BACH2: variants seen among roughly 807,000 people sequenced by gnomAD.
BACH2 encodes BACH transcriptional regulator 2.
In BACH2, 5 loss-of-function variants were observed where a neutral mutation model predicts 61.8. That is an observed-to-expected ratio of 0.08 (90% confidence interval 0.04 to 0.17). BACH2 has a LOEUF of 0.17. BACH2 is among the 10% of genes least tolerant of loss of function. The pLI, the probability that BACH2 is intolerant of heterozygous loss-of-function variation, is 1.00. For missense variants in BACH2, 824 were observed against 1,091.1 expected (o/e 0.76, Z 3.45); for synonymous variants, 446 against 440.1 (o/e 1.01, Z -0.17).
At chr6:90,252,981 A>G (rs1770858961) in intron 2 of BACH2, among the ~76,000 whole-genome samples, 1 of 152,258 alleles carries the variant, frequency 6.6e-6, no homozygotes. Flanking sequence ...GCAGTGGCTC[A>G]CGCCTATAAT....
intron 7 of BACH2, among the ~76,000 whole-genome samples, chr6:89,945,067 C>T (rs185548086): frequency 2.0e-4 from 31 of 152,322 alleles, no homozygotes; most frequent in Admixed American, 1.8e-3. Flanking sequence ...TGATACACTG[C>T]TGGTGGGAAT....
Position 89,928,834 on chromosome 6 carries a change from T to C in BACH2, c.*3574A>G, listed in dbSNP as rs1065272. 2 of 152,070 alleles carry C rather than the reference T, an allele frequency of 1.3e-5. No homozygotes were observed. The highest frequency in any genetic ancestry group is 3.8e-4 in the East Asian group (2 of 5,294). The allele number at this position is 152,070 out of a possible 1,614,324, so 9.4% of individuals were successfully genotyped here. On this transcript the variant is annotated 3_prime_UTR_variant, in exon 9 of 9. Transcript: ENST00000257749. ...GAGTCATTGCTGGGAACTCAGAAGA[T>C]AAATAGCAGGATGGCCTCGTAACTT...
intron 4 of BACH2, among the ~76,000 whole-genome samples, chr6:90,104,623 C>T (rs140230855): frequency 9.8e-5 from 15 of 152,308 alleles, no homozygotes; most frequent in African/African-American, 2.6e-4. Context: ...CCAGAATTTC[C>T]CACCCAAATG....
At chr6:89,987,188 T>C (rs1439284274) in intron 6 of BACH2, among the ~76,000 whole-genome samples, 2 of 152,184 alleles carry the variant, frequency 1.3e-5, no homozygotes, top group African/African-American at 4.8e-5. Context: ...TGTCAAATCC[T>C]GTATCAGGAT....
At chr6:90,236,271 T>C (rs1436128803) in intron 3 of BACH2, among the ~76,000 whole-genome samples, 2 of 152,212 alleles carry the variant, frequency 1.3e-5, no homozygotes, top group Non-Finnish European at 2.9e-5. Context: ...TCAAAATGCT[T>C]TTTAGAGTTT....
chr6:90,156,113 T>C (rs1784988289), intron 4 of BACH2, among the ~76,000 whole-genome samples: 1 of 152,122 alleles, frequency 6.6e-6, no homozygotes, highest in Non-Finnish European at 1.5e-5. Flanking sequence ...CTAATCCCAA[T>C]GTGCATGGGG....
chr6:90,053,645 C>T (rs951082836), intron 5 of BACH2, among the ~76,000 whole-genome samples: 9 of 152,142 alleles, frequency 5.9e-5, no homozygotes, highest in African/African-American at 1.7e-4. Context: ...AGGTTTTGTA[C>T]GTCTGAAGAA....
chr6:90,078,450 T>C (rs1306750240), intron 5 of BACH2, among the ~76,000 whole-genome samples: 1 of 152,156 alleles, frequency 6.6e-6, no homozygotes, highest in African/African-American at 2.4e-5. Context: ...CAGTTGGCAT[T>C]AGTAACCTAA....
chr6:90,149,802 T>G (rs1410240931), intron 4 of BACH2, among the ~76,000 whole-genome samples: 1 of 152,194 alleles, frequency 6.6e-6, no homozygotes, highest in Admixed American at 6.5e-5. Flanking sequence ...GGGTTCCAAT[T>G]AGTCTGTCCT....
chr6:90,117,700 A>G (rs1783461069), intron 4 of BACH2, among the ~76,000 whole-genome samples: 2 of 152,154 alleles, frequency 1.3e-5, no homozygotes, highest in Non-Finnish European at 2.9e-5. Flanking sequence ...CATGAATCCC[A>G]TCAAAGACAA....
chr6:90,264,318 G>C (rs1248806108), intron 2 of BACH2, among the ~76,000 whole-genome samples: 2 of 152,104 alleles, frequency 1.3e-5, no homozygotes, highest in Non-Finnish European at 2.9e-5. Context: ...AAGTAAGTCT[G>C]CAACTTACTT....
At chr6:90,052,257 T>C (rs60124751) in intron 5 of BACH2, among the ~76,000 whole-genome samples, 1 of 152,314 alleles carries the variant, frequency 6.6e-6, no homozygotes, top group East Asian at 1.9e-4. Flanking sequence ...CCAAGCAATA[T>C]CTTGGAGAAA....
intron 5 of BACH2, among the ~76,000 whole-genome samples, chr6:90,029,780 T>C (rs1000440955): frequency 6.6e-6 from 1 of 152,210 alleles, no homozygotes; most frequent in African/African-American, 2.4e-5. Context: ...TCTCCAGAGC[T>C]GCTTGTCTTT....
Position 89,951,149 on chromosome 6 carries a change from G to C in BACH2, c.957C>G (p.Thr319=). The C allele has an allele frequency of 1.2e-6, 2 of 1,612,874 alleles. No homozygotes were observed. Among genetic ancestry groups the C allele is most frequent in the Non-Finnish European group, 1.7e-6 (2 of 1,179,688 alleles). Residue 319 remains threonine (T), a synonymous_variant, in exon 7 of 9, where the codon ACC becomes ACG. Transcript: ENST00000257749. The surrounding 1 kb of genome is among the most constrained non-coding windows in gnomAD (Gnocchi z 6.4). The part of the protein sequence containing the change: ...MDRKQPSPAP[T]PTAPAGAACL... ...AGGCGGCCCCAGCTGGGGCCGTGGG[G>C]GTAGGGGCAGGGCTGGGCTGTTTCC...
chr6:90,150,504 C>G (rs1784778241), intron 4 of BACH2, among the ~76,000 whole-genome samples: 1 of 152,132 alleles, frequency 6.6e-6, no homozygotes, highest in South Asian at 2.1e-4. Context: ...CTTCAAATGT[C>G]CTGAGAAGCA....
intron 3 of BACH2, among the ~76,000 whole-genome samples, chr6:90,228,992 CTG>C (rs1308349445): frequency 6.6e-6 from 1 of 152,182 alleles, no homozygotes; most frequent in Non-Finnish European, 1.5e-5. Context: ...GCAAGAGACA[CTG>C]TCAGAGAGTT....
intron 4 of BACH2, among the ~76,000 whole-genome samples, chr6:90,140,782 A>G (rs1784433422): frequency 6.6e-6 from 1 of 152,256 alleles, no homozygotes; most frequent in Non-Finnish European, 1.5e-5. Flanking sequence ...TCACAAGGGA[A>G]TGATAATTGA....
intron 6 of BACH2, among the ~76,000 whole-genome samples, chr6:89,973,017 A>T (rs535661356): frequency 2.3e-4 from 35 of 152,098 alleles, no homozygotes; most frequent in Non-Finnish European, 4.3e-4. Context: ...TTGAAACCGG[A>T]AGGCAGAGGT....
rs115838314 is a variant in BACH2, at chr6:90,131,663, C to T, written c.-161-42554G>A. ...TACCACATTTATGTCCATTTTTGGG[C>T]GGGCTGAACTAAAGTTTAAAGCATT... is the stretch of plus-strand genomic sequence containing the variant. On this transcript the variant is annotated intron_variant, in intron 4 of 8. Transcript: ENST00000257749. Among the ~76,000 whole-genome samples the T allele has an allele frequency of 6.8e-3, 1,037 of 152,236 alleles. 14 individuals carry two copies. Among genetic ancestry groups the T allele is most frequent in the African/African-American group, 0.023 (935 of 41,540 alleles).
Sources: allele counts gnomAD v4.1 joint callset (sites outside exome capture counted in the v4.1 genomes callset), GRCh38; gene constraint gnomAD v4.1.1; non-coding constraint Gnocchi (gnomAD v3.1); transcripts MANE v1.5; gene names NCBI Gene and HGNC (gene_info 2026-07-23, HGNC 2026-07-21).